The following SLC39A14 variants were observed in gnomAD, a reference collection of about 807,000 sequenced individuals.
The protein encoded by SLC39A14 is metal cation symporter ZIP14.
In SLC39A14, 19 loss-of-function variants were observed where a neutral mutation model predicts 45.5. The ratio of observed to expected loss-of-function variants is 0.42; its 90% CI spans 0.29 to 0.61. SLC39A14 has a LOEUF of 0.61. SLC39A14 is among the 20% of genes least tolerant of loss of function. The probability of loss-of-function intolerance (pLI) is 0.22; values close to 1 mark genes in which losing one functional copy is unlikely to be tolerated. For missense variants in SLC39A14, 447 were observed against 616.5 expected, an observed-to-expected ratio of 0.73 and a Z score of 2.91; for synonymous variants, 264 against 251.3, an observed-to-expected ratio of 1.05 and a Z score of -0.48.
downstream of SLC39A14, among the ~76,000 whole-genome samples, chr8:22,424,990 C>T (rs1295182816): frequency 5.6e-5 from 8 of 141,994 alleles, no homozygotes; most frequent in African/African-American, 2.2e-4. Flanking sequence ...GATCGTGCTA[C>T]TGCACTCCAA....
At chr8:22,387,594 A>AC in intron 1 of SLC39A14, among the ~76,000 whole-genome samples, 2 of 152,008 alleles carry the variant, frequency 1.3e-5, no homozygotes, top group Non-Finnish European at 2.9e-5. Context: ...GTGCCACCAT[A>AC]CCCCCTGCCT....
At chr8:22,423,146 CTT>C (rs1358414125), downstream of SLC39A14, among the ~76,000 whole-genome samples, 1 of 150,798 alleles carries the variant, frequency 6.6e-6, no homozygotes, top group East Asian at 2.0e-4. Flanking sequence ...TTTGTACTCT[CTT>C]CTCTTTTCTT....
chr8:22,377,583 A>G (rs1471993099), intron 1 of SLC39A14, among the ~76,000 whole-genome samples: 3 of 152,288 alleles, frequency 2.0e-5, no homozygotes, highest in Admixed American at 2.0e-4. Flanking sequence ...TCTAACCTCA[A>G]AAAGTTCGTT....
At chr8:22,404,094 C>G (rs556967384) in intron 1 of SLC39A14, among the ~76,000 whole-genome samples, 1 of 152,078 alleles carries the variant, frequency 6.6e-6, no homozygotes, top group African/African-American at 2.4e-5. Flanking sequence ...GATGTCAAAT[C>G]CATGGTTATT....
At chr8:22,368,702 A>T (rs1043374526) in intron 1 of SLC39A14, among the ~76,000 whole-genome samples, 5 of 151,094 alleles carry the variant, frequency 3.3e-5, no homozygotes, top group African/African-American at 1.2e-4. Context: ...ATGCCCGGCT[A>T]ATTTTTTGTA....
intron 1 of SLC39A14, among the ~76,000 whole-genome samples, chr8:22,370,416 C>T (rs1331877267): frequency 6.6e-6 from 1 of 152,186 alleles, no homozygotes; most frequent in Admixed American, 6.5e-5. Context: ...TAATAGCCTG[C>T]CTGCACCTGA....
chr8:22,427,815 G>C (rs980341566), intron 8 of SLC39A14, among the ~76,000 whole-genome samples: 2 of 152,106 alleles, frequency 1.3e-5, no homozygotes, highest in Admixed American at 6.6e-5. Context: ...TTAAACAAAG[G>C]GATCATACTG....
intron 1 of SLC39A14, among the ~76,000 whole-genome samples, chr8:22,383,006 C>G (rs928507877): frequency 6.6e-6 from 1 of 152,046 alleles, no homozygotes; most frequent in African/African-American, 2.4e-5. Context: ...GCGTGAGTCA[C>G]CGCGGCCGGT....
chr8:22,392,620 A>G (rs985939616), intron 1 of SLC39A14, among the ~76,000 whole-genome samples: 1 of 152,184 alleles, frequency 6.6e-6, no homozygotes, highest in African/African-American at 2.4e-5. Flanking sequence ...TGGATGAATG[A>G]TGAGAAGTGA....
At chr8:22,391,633 C>T (rs1267112109) in intron 1 of SLC39A14, among the ~76,000 whole-genome samples, 2 of 151,592 alleles carry the variant, frequency 1.3e-5, no homozygotes, top group African/African-American at 2.4e-5. Context: ...TGCAGTGGCG[C>T]GATCTCGGCT....
chr8:22,378,625 A>C (rs898938665), intron 1 of SLC39A14, among the ~76,000 whole-genome samples: 4 of 152,170 alleles, frequency 2.6e-5, no homozygotes, highest in African/African-American at 9.7e-5. Context: ...TCTTTTTGCC[A>C]AGAGGAGCCA....
intron 1 of SLC39A14, among the ~76,000 whole-genome samples, chr8:22,400,475 G>A (rs1834793968): frequency 6.6e-6 from 1 of 152,128 alleles, no homozygotes. Flanking sequence ...ACAGTTCACA[G>A]TCTGCTCTGA....
chr8:22,406,482 A>G (rs1018090426), intron 2 of SLC39A14, among the ~76,000 whole-genome samples: 1 of 152,258 alleles, frequency 6.6e-6, no homozygotes, highest in Middle Eastern at 3.4e-3. Flanking sequence ...TCACGAGGTC[A>G]GGAGATCGAG....
At position 22,412,137 on chromosome 8, in the gene SLC39A14, G is replaced by A. The variant is rs1394951714; in HGVS notation, c.558G>A (p.Leu186=). 7 of 1,551,602 alleles carry A rather than the reference G, an allele frequency of 4.5e-6. No individual in the cohort carries two copies. The highest frequency in any genetic ancestry group is 6.1e-6 in the Non-Finnish European group (7 of 1,146,996). ...TGAAGAAGACCTTTTACAAGAGGCT[G>A]CTGCTCTACTTCATAGCTCTGGCGA... is the stretch of plus-strand genomic sequence containing the variant. ...PFMKKTFYKR[L]LLYFIALAIG... The change falls in exon 4 of 9, where the codon CTG becomes CTA. Residue 186 remains leucine (L), a synonymous_variant. Coordinates refer to ENST00000381237, the MANE Select transcript of SLC39A14 (RefSeq NM_001128431.4).
chr8:22,432,166 C>T (rs1836476270), intron 8 of SLC39A14, among the ~76,000 whole-genome samples: 1 of 151,818 alleles, frequency 6.6e-6, no homozygotes, highest in African/African-American at 2.4e-5. Context: ...CCCCCCATCT[C>T]TAAAAAAAGA....
intron 1 of SLC39A14, among the ~76,000 whole-genome samples, chr8:22,392,286 G>C (rs1291611052): frequency 1.3e-5 from 2 of 152,166 alleles, no homozygotes; most frequent in African/African-American, 4.8e-5. Context: ...TTTAAGCTCT[G>C]TCTTGATCAG....
At chr8:22,380,117 T>A (rs1283654700) in intron 1 of SLC39A14, among the ~76,000 whole-genome samples, 1 of 152,212 alleles carries the variant, frequency 6.6e-6, no homozygotes, top group East Asian at 1.9e-4. Flanking sequence ...GCAAATACTA[T>A]GCTATTTTAT....
At chr8:22,382,628 G>A (rs1184458281) in intron 1 of SLC39A14, among the ~76,000 whole-genome samples, 1 of 152,026 alleles carries the variant, frequency 6.6e-6, no homozygotes, top group African/African-American at 2.4e-5. Context: ...GCTATGATCC[G>A]GGCACTGCAC....
downstream of SLC39A14, among the ~76,000 whole-genome samples, chr8:22,423,753 C>T (rs1456631666): frequency 8.0e-6 from 1 of 124,386 alleles, no homozygotes; most frequent in Non-Finnish European, 1.8e-5. Context: ...AGGCATGAGC[C>T]ACCGCGCCTG....
Sources: allele counts gnomAD v4.1 joint callset (sites outside exome capture counted in the v4.1 genomes callset), GRCh38; gene constraint gnomAD v4.1.1; transcripts MANE v1.5; gene names NCBI Gene and HGNC (gene_info 2026-07-23, HGNC 2026-07-21).